Variants in ZNF177 observed in about 807,000 individuals in gnomAD.
The protein encoded by ZNF177 is zinc finger protein 177.
A neutral mutation model predicts 19.4 loss-of-function variants in ZNF177; 17 were observed. The observed-to-expected ratio is 0.87, with a 90% CI of 0.60 to 1.31. ZNF177 has a LOEUF of 1.31. Ranked by LOEUF, ZNF177 falls within the 40% of genes most tolerant of loss-of-function variation. The pLI is 0.00. For missense variants in ZNF177, 633 were observed against 561.8 expected (o/e 1.13, Z -1.28); for synonymous variants, 220 against 188.7 (o/e 1.17, Z -1.36).
intron 1 of ZNF177, among the ~76,000 whole-genome samples, chr19:9,377,459 G>T (rs2068125887): frequency 6.6e-6 from 1 of 152,272 alleles, no homozygotes; most frequent in Admixed American, 6.5e-5. Context: ...GGAGATGTCA[G>T]CTCCGTGCAT....
In ZNF177 at chr19:9,366,128, A is replaced by G. The variant is rs537507784; in HGVS notation, c.-305+1180A>G. Among the ~76,000 whole-genome samples the G allele has an allele frequency of 3.0e-3, 455 of 152,196 alleles. 2 individuals carry two copies. The highest frequency in any genetic ancestry group is 5.0e-3 in the Non-Finnish European group (340 of 67,974). ...CTCCCAAGTAGCTAGGATTACAGGCATGCTCCACCACACCCGGCTAATTTT... is the reference window on the plus strand; with the variant it reads ...CTCCCAAGTAGCTAGGATTACAGGCGTGCTCCACCACACCCGGCTAATTTT... On this transcript the variant is annotated intron_variant, in intron 2 of 8. Transcript: ENST00000343499.
At chr19:9,379,661 G>C (rs1488955940) in intron 4 of ZNF177, 42 bp downstream of exon 6, 3 of 1,598,602 alleles carry the variant, frequency 1.9e-6, no homozygotes, top group Middle Eastern at 1.7e-4. Context: ...GGCCAGTGAG[G>C]GTTAGTACAT....
exon 6 of ZNF177, chr19:9,381,964 TTA>T: frequency 1.2e-6 from 1 of 858,954 alleles, no homozygotes; most frequent in African/African-American, 1.7e-5. Flanking sequence ...TATTTCATTC[TTA>T]TATGTGTCAC....
At chr19:9,373,983 TG>T (rs2068079929), upstream of ZNF177, among the ~76,000 whole-genome samples, 1 of 152,170 alleles carries the variant, frequency 6.6e-6, no homozygotes, top group African/African-American at 2.4e-5. Flanking sequence ...AAAAAAAATT[TG>T]TCAAAATTAA....
chr19:9,379,602 T>C, exon 4 of ZNF177: 1 of 1,613,874 alleles, frequency 6.2e-7, no homozygotes, highest in Non-Finnish European at 8.5e-7. Context: ...AGAGGAATTT[T>C]ACAAGGTGAC....
upstream of ZNF177, among the ~76,000 whole-genome samples, chr19:9,372,972 A>G (rs1248744666): frequency 6.6e-6 from 1 of 152,206 alleles, no homozygotes; most frequent in Admixed American, 6.5e-5. Flanking sequence ...TGAAATGATC[A>G]TCACAGTCAA....
chr19:9,377,649 A>G (rs942714641), intron 1 of ZNF177, among the ~76,000 whole-genome samples: 1 of 152,064 alleles, frequency 6.6e-6, no homozygotes, highest in Non-Finnish European at 1.5e-5. Context: ...CTGAGTTAAG[A>G]AGACAGAGTC....
At position 9,381,341 on chromosome 19, in the gene ZNF177, A is replaced by AGAAACCCT; in HGVS notation, c.1011_1018dup (p.Tyr340Ter). 1 of 1,614,120 alleles carries AGAAACCCT rather than the reference A, an allele frequency of 6.2e-7. No individual in the cohort carries two copies. Among genetic ancestry groups the AGAAACCCT allele is most frequent in the Non-Finnish European group, 8.5e-7 (1 of 1,180,016 alleles). ...GTGCACAAAAGAACTCACACTGGAG[A>AGAAACCCT]GAAACCCTATGACTGTAAGGAATGT... On this transcript the variant is annotated frameshift_variant, in exon 6 of 6. Transcript: ENST00000589262. LOFTEE classifies it low-confidence loss of function (END_TRUNC).
intron 1 of ZNF177, among the ~76,000 whole-genome samples, chr19:9,363,635 T>G (rs557241683): frequency 5.9e-4 from 90 of 152,334 alleles, no homozygotes; most frequent in African/African-American, 2.1e-3. Context: ...TAAATGAATG[T>G]GTAATTCCTA....
chr19:9,376,773 C>G (rs1427961662), intron 1 of ZNF177, among the ~76,000 whole-genome samples: 1 of 151,970 alleles, frequency 6.6e-6, no homozygotes, highest in Admixed American at 6.6e-5. Flanking sequence ...ATATTTTTAT[C>G]TTTTAATCTT....
Position 9,378,247 on chromosome 19 carries a change from G to A in ZNF177, c.-53-12G>A. Reference sequence around the variant, plus strand: ...AGGCCTAGACTCTAATGGCTTCTGTGTTCTCCTCTAGCTCTGCCTGCTTAG... The same window carrying A: ...AGGCCTAGACTCTAATGGCTTCTGTATTCTCCTCTAGCTCTGCCTGCTTAG... On this transcript the variant is annotated splice_polypyrimidine_tract_variant and intron_variant, in intron 1 of 5. Coordinates refer to ENST00000589262, the Ensembl canonical transcript of ZNF177. 1.9e-6 allele frequency: 3 copies of A among 1,604,960 alleles called. No individual in the cohort carries two copies. Among genetic ancestry groups the A allele is most frequent in the East Asian group, 2.2e-5 (1 of 44,530 alleles).
At chr19:9,363,706 G>A (rs529510488) in intron 1 of ZNF177, among the ~76,000 whole-genome samples, 1 of 152,160 alleles carries the variant, frequency 6.6e-6, no homozygotes. Context: ...GGTGTGTTTT[G>A]TATGCAGCAA....
At chr19:9,371,479 G>C (rs567696001), upstream of ZNF177, 24 of 152,206 alleles carry the variant, frequency 1.6e-4, no homozygotes, top group African/African-American at 5.3e-4. Flanking sequence ...AGAGTAGTTA[G>C]ATAGTTTGTC....
rs184658630 is a variant in ZNF177, at chr19:9,376,820, C to G, written c.-54+397C>G. Among the ~76,000 whole-genome samples the G allele has an allele frequency of 1.4e-4, 21 of 152,184 alleles. No homozygotes were observed. The East Asian group carries it at 2.5e-3, about 18-fold the overall frequency. On this transcript the variant is annotated intron_variant, in intron 1 of 5. Transcript: ENST00000589262. ...ATAAGTTATTTAGATACCACTGTTA[C>G]AGTATTAGGGTAATCTGGATTGAGT...
intron 2 of ZNF177, among the ~76,000 whole-genome samples, chr19:9,365,231 G>A (rs1396344950): frequency 1.3e-5 from 2 of 152,094 alleles, no homozygotes; most frequent in African/African-American, 4.8e-5. Flanking sequence ...ATATAAGGAG[G>A]AAGGTTTTAG....
intron 2 of ZNF177, among the ~76,000 whole-genome samples, chr19:9,369,990 C>T (rs1364215973): frequency 6.6e-6 from 1 of 152,110 alleles, no homozygotes; most frequent in East Asian, 1.9e-4. Flanking sequence ...ATCCATTTTA[C>T]CTTTGTTCAT....
chr19:9,378,486 G>A (rs2068143260), intron 2 of ZNF177, 142 bp downstream of exon 4: 1 of 1,285,316 alleles, frequency 7.8e-7, no homozygotes, highest in Non-Finnish European at 1.1e-6. Context: ...ATGTGGAAGA[G>A]GGAATCCCTG....
chr19:9,382,096 C>T (rs750348866), exon 6 of ZNF177: 5 of 340,302 alleles, frequency 1.5e-5, no homozygotes, highest in Non-Finnish European at 2.2e-5. Context: ...TTGCTGGACA[C>T]TGACTGATGT....
chr19:9,379,099 C>T lies in ZNF177; in HGVS notation c.160+11C>T. ...ACCTGGCCTCAGTAGGTAAGGCTGG[C>T]CTCATTTCTTCATTTGTTTATGTAG... On this transcript the variant is annotated intron_variant, in intron 3 of 5. Coordinates refer to ENST00000589262, the Ensembl canonical transcript of ZNF177. 2 of 1,588,836 alleles carry T rather than the reference C, an allele frequency of 1.3e-6. No individual in the cohort carries two copies. The highest frequency in any genetic ancestry group is 1.7e-6 in the Non-Finnish European group (2 of 1,166,520).
Sources: gnomAD v4.1 joint callset for allele counts (sites outside exome capture counted in the v4.1 genomes callset) on GRCh38, gnomAD v4.1.1 for gene constraint, MANE v1.5 for transcripts, NCBI Gene and HGNC (gene_info 2026-07-23, HGNC 2026-07-21) for gene names.